SPMIP2: variants seen among roughly 807,000 people sequenced by gnomAD.
The protein encoded by SPMIP2 is protein SPMIP2.
the SPMIP2 span, among the ~76,000 whole-genome samples, chr4:159,000,594 A>G: frequency 6.7e-6 from 1 of 149,530 alleles, no homozygotes; most frequent in African/African-American, 2.5e-5. Context: ...TCCTGGATTC[A>G]AGTATTCTCC....
At chr4:159,026,426 A>C in the SPMIP2 span, 6 of 969,380 alleles carry the variant, frequency 6.2e-6, no homozygotes, top group Non-Finnish European at 8.0e-6. Flanking sequence ...TGGGATGGGA[A>C]GAAAAGCACA....
At chr4:158,955,820 A>G in the SPMIP2 span, among the ~76,000 whole-genome samples, 1 of 152,260 alleles carries the variant, frequency 6.6e-6, no homozygotes. Flanking sequence ...CCTGATTTCA[A>G]GAATATTAAA....
At chr4:159,002,533 C>T in the SPMIP2 span, among the ~76,000 whole-genome samples, 1 of 152,156 alleles carries the variant, frequency 6.6e-6, no homozygotes, top group African/African-American at 2.4e-5. Context: ...TAATCTTTGT[C>T]TAATCTAAGA....
chr4:158,974,553 C>A, the SPMIP2 span, among the ~76,000 whole-genome samples: 1 of 151,878 alleles, frequency 6.6e-6, no homozygotes, highest in Non-Finnish European at 1.5e-5. Context: ...GGAGGACATG[C>A]AGTGTTTGGC....
the SPMIP2 span, among the ~76,000 whole-genome samples, chr4:158,982,874 G>A: frequency 6.6e-6 from 1 of 151,994 alleles, no homozygotes; most frequent in Non-Finnish European, 1.5e-5. Flanking sequence ...AGCTACAGGA[G>A]GAAATTCAAA....
At chr4:159,032,651 T>C in the SPMIP2 span, among the ~76,000 whole-genome samples, 66 of 152,268 alleles carry the variant, frequency 4.3e-4, no homozygotes, top group Admixed American at 7.2e-4. Context: ...AGAGGAGATT[T>C]ATTGGCTGAT....
At chr4:158,899,111 G>T in the SPMIP2 span, among the ~76,000 whole-genome samples, 2 of 152,142 alleles carry the variant, frequency 1.3e-5, no homozygotes, top group Non-Finnish European at 2.9e-5. Context: ...ATAATCATCT[G>T]GTTTTTGTCA....
chr4:159,037,785 T>TACAC, the SPMIP2 span, among the ~76,000 whole-genome samples: 1,035 of 118,928 alleles, frequency 8.7e-3, 7 homozygotes, highest in East Asian at 0.023. Flanking sequence ...AAACAATATA[T>TACAC]ACACACACAC....
chr4:158,977,329 T>C, the SPMIP2 span, among the ~76,000 whole-genome samples: 1 of 152,110 alleles, frequency 6.6e-6, no homozygotes, highest in Non-Finnish European at 1.5e-5. Context: ...TGGGAGGGGG[T>C]ATGTGTCCAG....
chr4:159,025,647 T>C, the SPMIP2 span, among the ~76,000 whole-genome samples: 1 of 152,144 alleles, frequency 6.6e-6, no homozygotes. Context: ...AATTTTAAGA[T>C]GGTTTTGTGT....
At chr4:158,977,805 G>A in the SPMIP2 span, among the ~76,000 whole-genome samples, 2 of 151,812 alleles carry the variant, frequency 1.3e-5, no homozygotes, top group African/African-American at 4.8e-5. Context: ...TAGTAGAGAC[G>A]GGGTTTCACT....
At chr4:158,953,380 C>T in the SPMIP2 span, among the ~76,000 whole-genome samples, 1 of 152,200 alleles carries the variant, frequency 6.6e-6, no homozygotes, top group Admixed American at 6.5e-5. Context: ...TGGTGTTGAG[C>T]CTGCGAGTAC....
chr4:158,993,053 G>C, the SPMIP2 span, among the ~76,000 whole-genome samples: 1 of 152,064 alleles, frequency 6.6e-6, no homozygotes, highest in African/African-American at 2.4e-5. Context: ...TGTCCAGTCA[G>C]TCCAACAAAC....
chr4:158,913,296 C>G, the SPMIP2 span, among the ~76,000 whole-genome samples: 1 of 152,198 alleles, frequency 6.6e-6, no homozygotes, highest in Non-Finnish European at 1.5e-5. Context: ...AATCATAGCT[C>G]ACTGCAGACT....
chr4:159,023,877 G>T, the SPMIP2 span, among the ~76,000 whole-genome samples: 1 of 152,296 alleles, frequency 6.6e-6, no homozygotes, highest in Non-Finnish European at 1.5e-5. Context: ...TGACTGCCAA[G>T]AATAAAGCTT....
the SPMIP2 span, among the ~76,000 whole-genome samples, chr4:158,900,617 G>T: frequency 1.3e-5 from 2 of 152,014 alleles, no homozygotes; most frequent in Non-Finnish European, 2.9e-5. Context: ...TTTGATCTTT[G>T]TTGGTTTAAA....
chr4:159,071,491 A>G, the SPMIP2 span, among the ~76,000 whole-genome samples: 2 of 152,334 alleles, frequency 1.3e-5, no homozygotes, highest in South Asian at 4.1e-4. Flanking sequence ...TCTCAGGATC[A>G]AAAAGCAACA....
the SPMIP2 span, among the ~76,000 whole-genome samples, chr4:159,069,117 A>T: frequency 6.6e-6 from 1 of 152,156 alleles, no homozygotes; most frequent in African/African-American, 2.4e-5. Flanking sequence ...AGCCTGGCCA[A>T]TGTTGTGAAA....
At chr4:159,019,722 T>A in the SPMIP2 span, among the ~76,000 whole-genome samples, 1 of 151,908 alleles carries the variant, frequency 6.6e-6, no homozygotes, top group Admixed American at 6.6e-5. Context: ...TAGGCCAGAG[T>A]GTGGCTGTGG....
Sources: allele counts gnomAD v4.1 joint callset (sites outside exome capture counted in the v4.1 genomes callset), GRCh38; gene constraint gnomAD v4.1.1; transcripts MANE v1.5; gene names NCBI Gene and HGNC (gene_info 2026-07-23, HGNC 2026-07-21).